Variants in STK17A observed in about 807,000 individuals in gnomAD.
STK17A encodes the protein serine/threonine-protein kinase 17A.
A neutral mutation model predicts 43.7 loss-of-function variants in STK17A; 26 were observed. That is an observed-to-expected ratio of 0.60 (90% CI 0.44 to 0.83). STK17A has a LOEUF of 0.83. Ranked by LOEUF, STK17A falls within the 40% of genes least tolerant of loss-of-function variation. The probability of loss-of-function intolerance (pLI) is 0.00; values close to 1 mark genes in which losing one functional copy is unlikely to be tolerated. For missense variants in STK17A, 476 were observed against 511.6 expected, an observed-to-expected ratio of 0.93 and a Z score of 0.67; for synonymous variants, 191 against 182.5, an observed-to-expected ratio of 1.05 and a Z score of -0.38.
intron 1 of STK17A, among the ~76,000 whole-genome samples, chr7:43,584,962 T>C (rs980443266): frequency 2.6e-5 from 4 of 152,192 alleles, no homozygotes; most frequent in African/African-American, 4.8e-5. Context: ...TTTGGGAGGC[T>C]GAGGCGGGTG....
intron 1 of STK17A, among the ~76,000 whole-genome samples, chr7:43,588,353 A>T (rs1029545602): frequency 2.0e-5 from 3 of 151,556 alleles, no homozygotes; most frequent in African/African-American, 7.3e-5. Flanking sequence ...GTTCCAAAGG[A>T]TTAATAAATT....
chr7:43,604,162 T>C (rs2082573884), intron 2 of STK17A, among the ~76,000 whole-genome samples: 1 of 152,214 alleles, frequency 6.6e-6, no homozygotes, highest in Non-Finnish European at 1.5e-5. Flanking sequence ...ACTTATATGC[T>C]TTATTTACAC....
intron 2 of STK17A, among the ~76,000 whole-genome samples, chr7:43,604,384 C>T (rs1022608071): frequency 6.6e-6 from 1 of 152,074 alleles, no homozygotes; most frequent in South Asian, 2.1e-4. Flanking sequence ...TATATTAGCC[C>T]ATCATTGCCT....
intron 2 of STK17A, among the ~76,000 whole-genome samples, chr7:43,604,904 T>C (rs1454005336): frequency 3.9e-5 from 6 of 152,288 alleles, no homozygotes; most frequent in East Asian, 1.9e-4. Context: ...TGTGCTTCCA[T>C]TGACAGCTTA....
chr7:43,610,002 G>T (rs559945167), intron 3 of STK17A, among the ~76,000 whole-genome samples: 2 of 152,344 alleles, frequency 1.3e-5, no homozygotes, highest in South Asian at 4.1e-4. Flanking sequence ...CTGATTCAGG[G>T]TAGGGCAAGG....
intron 1 of STK17A, among the ~76,000 whole-genome samples, chr7:43,587,154 GTTT>G (rs71011929): frequency 2.7e-5 from 3 of 112,096 alleles, no homozygotes; most frequent in South Asian, 2.9e-4. Context: ...ATTGTTTTTT[GTTT>G]TTTTTTTTTT....
intron 3 of STK17A, among the ~76,000 whole-genome samples, chr7:43,618,287 C>T (rs1269432800): frequency 6.6e-6 from 1 of 152,092 alleles, no homozygotes; most frequent in East Asian, 1.9e-4. Context: ...TTATTGAGAC[C>T]CATCATGCAT....
intron 1 of STK17A, among the ~76,000 whole-genome samples, chr7:43,584,186 C>T (rs767643529): frequency 6.6e-6 from 1 of 151,902 alleles, no homozygotes; most frequent in African/African-American, 2.4e-5. Flanking sequence ...GCAGGCTGTT[C>T]GGATGCTTTA....
intron 4 of STK17A, 128 bp downstream of exon 4, chr7:43,619,851 A>G (rs779381424): frequency 1.2e-4 from 148 of 1,228,896 alleles, no homozygotes; most frequent in Admixed American, 1.5e-4. Flanking sequence ...TCAGAGATCT[A>G]TTCCTTTGGA....
At chr7:43,600,921 G>T (rs2082550663) in intron 2 of STK17A, among the ~76,000 whole-genome samples, 1 of 152,080 alleles carries the variant, frequency 6.6e-6, no homozygotes, top group Non-Finnish European at 1.5e-5. Context: ...GAAATATTAG[G>T]CAGTTTTGCA....
In STK17A at chr7:43,623,877, TAAG is replaced by T. The variant is rs1246482854; in HGVS notation, c.912_914del (p.Lys305del). ...TTGATTTCATCAGGACACTTTTAGTTAAGAAACCTGAGTAAGTATTATTTTTAT... is the reference window on the plus strand; with the variant it reads ...TTGATTTCATCAGGACACTTTTAGTTAAACCTGAGTAAGTATTATTTTTAT... On this transcript the variant is annotated inframe_deletion, in exon 6 of 7. Coordinates refer to ENST00000319357, the MANE Select transcript of STK17A (RefSeq NM_004760.3). 1 of 1,542,612 alleles carries T rather than the reference TAAG, an allele frequency of 6.5e-7. No homozygotes were observed. The highest frequency in any genetic ancestry group is 1.4e-5 in the African/African-American group (1 of 72,244).
chr7:43,606,341 G>A (rs202163897), intron 2 of STK17A, among the ~76,000 whole-genome samples: 52 of 152,210 alleles, frequency 3.4e-4, no homozygotes, highest in Non-Finnish European at 6.2e-4. Flanking sequence ...GGTTTGAGGC[G>A]GGAAGCTATG....
intron 2 of STK17A, among the ~76,000 whole-genome samples, chr7:43,597,616 C>G (rs2082526656): frequency 6.6e-6 from 1 of 152,128 alleles, no homozygotes; most frequent in Non-Finnish European, 1.5e-5. Flanking sequence ...AACTCCTGAC[C>G]TCAGGTGATC....
intron 4 of STK17A, among the ~76,000 whole-genome samples, chr7:43,620,605 C>T (rs965997758): frequency 1.3e-5 from 2 of 150,252 alleles, no homozygotes; most frequent in South Asian, 2.1e-4. Flanking sequence ...ACCTGGGAGG[C>T]GGAGCTTGCA....
rs764892490 is a variant in STK17A at position 43,583,438 on chromosome 7, G to A, written c.195G>A (p.Arg65=). Residue 65 remains arginine, a synonymous_variant, in exon 1 of 7, where the codon CGG becomes CGA. Coordinates refer to ENST00000319357, the MANE Select transcript of STK17A (RefSeq NM_004760.3). ...FQDGYSLCPG[R]ELGRGKFAVV... is the part of the protein sequence containing the mutation. ...ACGGCTACAGCCTGTGCCCGGGCCG[G>A]GAGCTGGGCAGGTGAGGACGGGCGG... The A allele has an allele frequency of 1.3e-4, 183 of 1,360,590 alleles. 1 individual carries two copies. The highest frequency in any genetic ancestry group is 1.6e-4 in the Non-Finnish European group (173 of 1,058,498). The allele number at this position is 1,360,590 out of a possible 1,614,324, so 84.3% of individuals were successfully genotyped here.
At chr7:43,583,533 G>T in intron 1 of STK17A, 84 bp downstream of exon 1, 1 of 1,143,882 alleles carries the variant, frequency 8.7e-7, no homozygotes, top group Non-Finnish European at 1.1e-6. Flanking sequence ...GCGCCGCGGC[G>T]GCGAGGCTGA....
chr7:43,598,425 G>C (rs1182082605), intron 2 of STK17A, among the ~76,000 whole-genome samples: 1 of 148,886 alleles, frequency 6.7e-6, no homozygotes, highest in East Asian at 2.0e-4. Context: ...AGCACAGATC[G>C]TGCCACTGCA....
intron 3 of STK17A, among the ~76,000 whole-genome samples, chr7:43,618,237 C>A (rs1320535986): frequency 6.6e-6 from 1 of 152,132 alleles, no homozygotes; most frequent in African/African-American, 2.4e-5. Flanking sequence ...CTGGAAGGAG[C>A]AGGGGAGGCC....
chr7:43,595,774 T>C, intron 1 of STK17A, 127 bp from the exon 2 acceptor site: 1 of 759,018 alleles, frequency 1.3e-6, no homozygotes, highest in South Asian at 2.0e-5. Flanking sequence ...AAGTGATGTT[T>C]CTACTTTTGT....
Sources: allele counts gnomAD v4.1 joint callset (sites outside exome capture counted in the v4.1 genomes callset), GRCh38; gene constraint gnomAD v4.1.1; transcripts MANE v1.5; gene names NCBI Gene and HGNC (gene_info 2026-07-23, HGNC 2026-07-21).